TEX36: variants seen among roughly 807,000 people sequenced by gnomAD.
The protein encoded by TEX36 is testis-expressed protein 36.
TEX36 carries 12 observed loss-of-function variants against 13.6 expected under a neutral mutation model. That is an observed-to-expected ratio of 0.88 (90% CI 0.56 to 1.43). The LOEUF is 1.43. TEX36 is among the 40% of genes most tolerant of loss of function. The probability of loss-of-function intolerance (pLI) is 0.00; values close to 1 mark genes in which losing one functional copy is unlikely to be tolerated. For synonymous variants in TEX36, 93 were observed against 83.0 expected (o/e 1.12, Z -0.65); for missense variants, 224 against 228.3 (o/e 0.98, Z 0.12).
At chr10:125,663,131 G>C (rs1847073093) in intron 1 of TEX36, among the ~76,000 whole-genome samples, 1 of 152,236 alleles carries the variant, frequency 6.6e-6, no homozygotes, top group Admixed American at 6.5e-5. Flanking sequence ...CCTGATGAGA[G>C]AGACTAAACT....
downstream of TEX36, among the ~76,000 whole-genome samples, chr10:125,621,215 C>G (rs915922014): frequency 6.6e-6 from 1 of 152,050 alleles, no homozygotes; most frequent in Non-Finnish European, 1.5e-5. Context: ...GATATATACC[C>G]AGGAGCGGAA....
At chr10:125,612,040 GTCTCTTTTCCAC>G in intron 3 of TEX36, among the ~76,000 whole-genome samples, 1 of 150,768 alleles carries the variant, frequency 6.6e-6, no homozygotes, top group South Asian at 2.1e-4. Flanking sequence ...GGGCAGCACT[GTCTCTTTTCCAC>G]TCCCTTTTCT....
chr10:125,659,094 C>T (rs1277424851), intron 3 of TEX36, among the ~76,000 whole-genome samples: 1 of 151,952 alleles, frequency 6.6e-6, no homozygotes, highest in Non-Finnish European at 1.5e-5. Flanking sequence ...GATTAATAAT[C>T]AAGAAAGAAA....
At chr10:125,680,518 A>G (rs1379282257) in intron 1 of TEX36, among the ~76,000 whole-genome samples, 6 of 152,196 alleles carry the variant, frequency 3.9e-5, no homozygotes, top group African/African-American at 7.2e-5. Context: ...CAGTCACTCA[A>G]TGACTGAAAT....
intron 1 of TEX36, among the ~76,000 whole-genome samples, chr10:125,666,671 C>G (rs568025971): frequency 1.2e-3 from 184 of 152,258 alleles, no homozygotes; most frequent in African/African-American, 4.1e-3. Flanking sequence ...CCCGCCCCCC[C>G]TCCTCCAACC....
intron 3 of TEX36, among the ~76,000 whole-genome samples, chr10:125,650,494 A>G (rs1224734332): frequency 1.3e-5 from 2 of 152,220 alleles, no homozygotes; most frequent in African/African-American, 4.8e-5. Flanking sequence ...ACCCATTTAA[A>G]GCAGTGTGTA....
intron 3 of TEX36, among the ~76,000 whole-genome samples, chr10:125,636,204 T>A (rs1344751958): frequency 1.1e-5 from 1 of 89,470 alleles, no homozygotes; most frequent in African/African-American, 1.4e-4. Context: ...GTTTGCTGAA[T>A]TTTTTTTTTT....
At chr10:125,591,963 T>A (rs1288090853) in intron 3 of TEX36, among the ~76,000 whole-genome samples, 1 of 152,312 alleles carries the variant, frequency 6.6e-6, no homozygotes, top group Non-Finnish European at 1.5e-5. Context: ...ACAGTCGTAA[T>A]CAAGTCCTAA....
At chr10:125,642,381 A>T (rs997369686) in intron 3 of TEX36, among the ~76,000 whole-genome samples, 1 of 152,224 alleles carries the variant, frequency 6.6e-6, no homozygotes, top group Non-Finnish European at 1.5e-5. Flanking sequence ...GTTAAAACCA[A>T]CCACAACAAA....
At chr10:125,667,812 G>A in intron 1 of TEX36, 1 of 1,211,036 alleles carries the variant, frequency 8.3e-7, no homozygotes, top group Non-Finnish European at 1.2e-6. Flanking sequence ...TCGGCGTTAA[G>A]GGACTGCAGC....
intron 3 of TEX36, among the ~76,000 whole-genome samples, chr10:125,580,514 A>G (rs1004921168): frequency 9.2e-5 from 14 of 152,180 alleles, no homozygotes; most frequent in African/African-American, 3.1e-4. Context: ...AAGGGGAGGA[A>G]AGAAACTTTT....
Position 125,585,880 on chromosome 10 carries a change from G to C in TEX36, c.265-9006C>G, listed in dbSNP as rs145952415. On this transcript the variant is annotated intron_variant, in intron 3 of 3. Coordinates refer to the TEX36 transcript ENST00000532135. ...TTGGATTCATTTCTGCTGTTAAGCTGTCTTTGTCAGTTTTACTTTCAGCCC... is the reference window on the plus strand; with the variant it reads ...TTGGATTCATTTCTGCTGTTAAGCTCTCTTTGTCAGTTTTACTTTCAGCCC... Among the ~76,000 whole-genome samples, 28 of 152,344 alleles carry C rather than the reference G, an allele frequency of 1.8e-4. 1 individual carries two copies. The East Asian group carries it at 5.4e-3, about 29-fold the overall frequency.
intron 3 of TEX36, among the ~76,000 whole-genome samples, chr10:125,585,481 C>T (rs953983286): frequency 1.3e-5 from 2 of 152,112 alleles, no homozygotes; most frequent in African/African-American, 2.4e-5. Flanking sequence ...TCATAGAAAA[C>T]AAAAATCCTC....
intron 3 of TEX36, among the ~76,000 whole-genome samples, chr10:125,643,955 A>G (rs1296296619): frequency 2.0e-5 from 3 of 152,156 alleles, no homozygotes; most frequent in Non-Finnish European, 4.4e-5. Context: ...ACAACAAAAA[A>G]AACAACATGA....
At chr10:125,645,186 C>A (rs1430947508) in intron 3 of TEX36, among the ~76,000 whole-genome samples, 1 of 152,158 alleles carries the variant, frequency 6.6e-6, no homozygotes, top group South Asian at 2.1e-4. Flanking sequence ...TTGTTATAAG[C>A]CACTAAATTT....
intron 3 of TEX36, among the ~76,000 whole-genome samples, chr10:125,660,186 G>A (rs775266723): frequency 9.2e-5 from 14 of 152,140 alleles, no homozygotes; most frequent in Non-Finnish European, 1.5e-4. Context: ...TGCAGTGTTC[G>A]TGATCATAGC....
intron 3 of TEX36, among the ~76,000 whole-genome samples, chr10:125,579,573 G>A (rs1329393938): frequency 6.6e-6 from 1 of 152,162 alleles, no homozygotes; most frequent in Non-Finnish European, 1.5e-5. Flanking sequence ...GCTCTGATTT[G>A]GTTTGGATTT....
chr10:125,593,065 T>C (rs934796794), intron 3 of TEX36, among the ~76,000 whole-genome samples: 2 of 152,180 alleles, frequency 1.3e-5, no homozygotes, highest in African/African-American at 4.8e-5. Flanking sequence ...CCACTGGTGA[T>C]GAAATCAACC....
At chr10:125,622,180 G>A (rs893282633) in intron 3 of TEX36, among the ~76,000 whole-genome samples, 3 of 152,060 alleles carry the variant, frequency 2.0e-5, no homozygotes, top group African/African-American at 7.2e-5. Context: ...ACAATAATAA[G>A]GTCGTAATTA....
Sources: gnomAD v4.1 joint callset for allele counts (sites outside exome capture counted in the v4.1 genomes callset) on GRCh38, gnomAD v4.1.1 for gene constraint, MANE v1.5 for transcripts, NCBI Gene and HGNC (gene_info 2026-07-23, HGNC 2026-07-21) for gene names.